The following MAP3K20 variants were observed in gnomAD, a reference collection of about 807,000 sequenced individuals.
MAP3K20 encodes the protein mitogen-activated protein kinase kinase kinase 20, also known as HCCS-4.
A neutral mutation model predicts 85.7 loss-of-function variants in MAP3K20; 40 were observed. The observed-to-expected ratio is 0.47, with a 90% CI of 0.36 to 0.61. MAP3K20 has a LOEUF of 0.61. Ranked by LOEUF, MAP3K20 falls within the 20% of genes least tolerant of loss-of-function variation. The pLI, the probability that MAP3K20 is intolerant of heterozygous loss-of-function variation, is 0.00. For missense variants in MAP3K20, 817 were observed against 961.7 expected, an observed-to-expected ratio of 0.85 and a Z score of 1.99; for synonymous variants, 325 against 327.7, an observed-to-expected ratio of 0.99 and a Z score of 0.09.
At chr2:173,098,065 C>T (rs1356868409) in intron 2 of MAP3K20, among the ~76,000 whole-genome samples, 4 of 152,166 alleles carry the variant, frequency 2.6e-5, no homozygotes, top group Admixed American at 6.5e-5. Flanking sequence ...CTGACCCAAA[C>T]ACGTTAAAGA....
chr2:173,222,119 T>C (rs1325874607), intron 11 of MAP3K20: 1 of 913,314 alleles, frequency 1.1e-6, no homozygotes, highest in Non-Finnish European at 1.3e-6. Flanking sequence ...GGAGGATTGC[T>C]TGAGACCTAG....
chr2:173,187,862 T>A (rs574704107), intron 5 of MAP3K20, among the ~76,000 whole-genome samples: 1 of 152,324 alleles, frequency 6.6e-6, no homozygotes, highest in Non-Finnish European at 1.5e-5. Flanking sequence ...TTGTTTACAT[T>A]TTTTCTCTGA....
chr2:173,191,728 G>A (rs922195345), intron 7 of MAP3K20, among the ~76,000 whole-genome samples: 2 of 152,228 alleles, frequency 1.3e-5, no homozygotes, highest in African/African-American at 4.8e-5. Flanking sequence ...TAGAGTAGCA[G>A]TGACTATCTG....
At chr2:173,209,682 T>G (rs749263748) in intron 9 of MAP3K20, 47 bp from the exon 10 acceptor site, 14 of 1,513,324 alleles carry the variant, frequency 9.3e-6, no homozygotes, top group Middle Eastern at 3.6e-4. Context: ...CTTAAATATC[T>G]CCTTTCTTAA....
At chr2:173,144,638 CA>C (rs1240338182) in intron 2 of MAP3K20, among the ~76,000 whole-genome samples, 4 of 152,018 alleles carry the variant, frequency 2.6e-5, no homozygotes, top group African/African-American at 7.2e-5. Flanking sequence ...TTCAAAGCTA[CA>C]GTGAGCCATG....
At chr2:173,144,703 A>G (rs1689088265) in intron 2 of MAP3K20, among the ~76,000 whole-genome samples, 2 of 151,950 alleles carry the variant, frequency 1.3e-5, no homozygotes, top group Non-Finnish European at 2.9e-5. Flanking sequence ...ATCTCAAACA[A>G]AAAAGACCTA....
chr2:173,217,256 TA>T lies in MAP3K20; in HGVS notation c.987+7del. ...CAGAGCAGTCCAACACCCCGGTGAG[TA>T]CCCTCCCCCTTCGCCGTCTTTCCAC... On this transcript the variant is annotated splice_region_variant and intron_variant, in intron 11 of 19. Coordinates refer to ENST00000375213, the MANE Select transcript of MAP3K20 (RefSeq NM_016653.3). 1 of 1,549,020 alleles carries T rather than the reference TA, an allele frequency of 6.5e-7. No individual in the cohort carries two copies. The highest frequency in any genetic ancestry group is 1.4e-5 in the African/African-American group (1 of 72,484).
At chr2:173,159,238 G>A (rs920402098) in intron 2 of MAP3K20, among the ~76,000 whole-genome samples, 1 of 152,142 alleles carries the variant, frequency 6.6e-6, no homozygotes, top group Non-Finnish European at 1.5e-5. Context: ...GATAATTTCC[G>A]TATGATTGCT....
At chr2:173,240,391 A>AC (rs1684754011) in intron 16 of MAP3K20, among the ~76,000 whole-genome samples, 1 of 152,168 alleles carries the variant, frequency 6.6e-6, no homozygotes, top group Non-Finnish European at 1.5e-5. Context: ...CCTCAGTGAA[A>AC]CCATGCTTGC....
At chr2:173,153,683 G>T (rs1007731240) in intron 2 of MAP3K20, among the ~76,000 whole-genome samples, 1 of 152,148 alleles carries the variant, frequency 6.6e-6, no homozygotes, top group African/African-American at 2.4e-5. Context: ...TCATTTCACG[G>T]TATCTGCAGA....
intron 4 of MAP3K20, among the ~76,000 whole-genome samples, chr2:173,183,169 C>T (rs1327094597): frequency 6.6e-6 from 1 of 152,104 alleles, no homozygotes; most frequent in Non-Finnish European, 1.5e-5. Flanking sequence ...TAAGACTCTA[C>T]TTTATTTCTA....
intron 2 of MAP3K20, among the ~76,000 whole-genome samples, chr2:173,118,257 T>G (rs3769194): frequency 0.28 from 42,828 of 152,174 alleles, 7,454 homozygotes; most frequent in Non-Finnish European, 0.39. Flanking sequence ...CTACTGTAAA[T>G]AGATGTGTCA....
At chr2:173,206,920 A>G (rs1469445915) in intron 9 of MAP3K20, among the ~76,000 whole-genome samples, 1 of 113,774 alleles carries the variant, frequency 8.8e-6, no homozygotes, top group Non-Finnish European at 2.0e-5. Flanking sequence ...GTAGAGCAAT[A>G]AAGTACTTTC....
intron 11 of MAP3K20, among the ~76,000 whole-genome samples, chr2:173,218,340 T>C (rs1056890454): frequency 1.3e-5 from 2 of 152,256 alleles, no homozygotes; most frequent in African/African-American, 4.8e-5. Flanking sequence ...TAAATGTTTA[T>C]TATCAGATTC....
At chr2:173,209,559 TA>T in intron 9 of MAP3K20, 169 bp from the exon 10 acceptor site, 1 of 561,012 alleles carries the variant, frequency 1.8e-6, no homozygotes, top group Non-Finnish European at 3.1e-6. Context: ...TAGAGCTCCC[TA>T]AACCTGAGTG....
chr2:173,221,127 T>C (rs1419848831), intron 11 of MAP3K20: 2 of 1,459,392 alleles, frequency 1.4e-6, no homozygotes, highest in African/African-American at 1.4e-5. Context: ...TTTTTACTTC[T>C]GTCCTTTCTT....
chr2:173,258,921 C>A, intron 17 of MAP3K20, 106 bp downstream of exon 17: 1 of 669,872 alleles, frequency 1.5e-6, no homozygotes, highest in Non-Finnish European at 2.6e-6. Flanking sequence ...ATGCTCACAT[C>A]AGCTCAGCCT....
At position 173,266,669 on chromosome 2, in the gene MAP3K20, G is replaced by A. The variant is rs566714482; in HGVS notation, c.2322G>A (p.Arg774=). The A allele has an allele frequency of 6.2e-7, 1 of 1,609,718 alleles. No homozygotes were observed. The highest frequency in any genetic ancestry group is 1.1e-5 in the South Asian group (1 of 90,656). ...SEGGWTKVEY[R]KKPHRPSPAK... Reference sequence around the variant, plus strand: ...GGGGCTGGACAAAAGTGGAATACCGGAAAAAGCCCCACAGGCCATCTCCCG... The same window carrying A: ...GGGGCTGGACAAAAGTGGAATACCGAAAAAAGCCCCACAGGCCATCTCCCG... The change falls in exon 20 of 20, where the codon CGG becomes CGA. Residue 774 remains arginine, a synonymous_variant. Transcript: ENST00000375213.
chr2:173,247,813 A>C (rs571026641), intron 16 of MAP3K20, among the ~76,000 whole-genome samples: 1 of 152,186 alleles, frequency 6.6e-6, no homozygotes, highest in African/African-American at 2.4e-5. Flanking sequence ...TACATTACCT[A>C]CCTGTTCTTG....
Sources: gnomAD v4.1 joint callset for allele counts (sites outside exome capture counted in the v4.1 genomes callset) on GRCh38, gnomAD v4.1.1 for gene constraint, MANE v1.5 for transcripts, NCBI Gene and HGNC (gene_info 2026-07-23, HGNC 2026-07-21) for gene names.